The following DNA2 variants were observed in gnomAD, a reference collection of about 807,000 sequenced individuals.
The protein encoded by DNA2 is DNA replication helicase/nuclease 2.
Under a neutral mutation model 119.1 loss-of-function variants are expected in DNA2, and 101 were observed. That is an observed-to-expected ratio of 0.85 (90% confidence interval 0.72 to 1.00). The LOEUF is 1.00. Among genes scored for constraint, DNA2 ranks in the 50% least tolerant of loss-of-function variants. DNA2 has a pLI of 0.00. For missense variants in DNA2, 1,121 were observed against 1,255.5 expected (o/e 0.89, Z 1.62); for synonymous variants, 366 against 424.4 (o/e 0.86, Z 1.69).
chr10:68,424,612 A>C (rs1351324401), intron 14 of DNA2: 4 of 1,443,480 alleles, frequency 2.8e-6, no homozygotes, highest in Non-Finnish European at 3.9e-6. Flanking sequence ...CGCAAACGTC[A>C]CTTCCATGCC....
chr10:68,444,749 A>C (rs994605862), intron 8 of DNA2, among the ~76,000 whole-genome samples, 172 bp downstream of exon 8: 2 of 151,810 alleles, frequency 1.3e-5, no homozygotes, highest in Non-Finnish European at 2.9e-5. Flanking sequence ...AAAAGAAAGA[A>C]AGTACTGTGG....
At chr10:68,439,449 C>T (rs1590059788) in intron 9 of DNA2, among the ~76,000 whole-genome samples, 1 of 151,914 alleles carries the variant, frequency 6.6e-6, no homozygotes, top group Non-Finnish European at 1.5e-5. Context: ...GCTTGTAATC[C>T]CAGCACTCTG....
chr10:68,442,841 T>A (rs1482930983), intron 9 of DNA2, 76 bp downstream of exon 9: 2 of 1,210,128 alleles, frequency 1.7e-6, no homozygotes, highest in African/African-American at 3.1e-5. Context: ...AACTTGTATT[T>A]GTCATAAATT....
At chr10:68,436,832 T>A in intron 10 of DNA2, 179 bp downstream of exon 10, 1 of 562,586 alleles carries the variant, frequency 1.8e-6, no homozygotes, top group Non-Finnish European at 3.1e-6. Context: ...GTATAGGGCT[T>A]CTTCCTTGGG....
intron 10 of DNA2, among the ~76,000 whole-genome samples, chr10:68,435,335 C>T (rs1282544123): frequency 2.6e-5 from 4 of 151,800 alleles, no homozygotes; most frequent in African/African-American, 9.7e-5. Flanking sequence ...AGGCGTGCAC[C>T]ACCTTGCCTG....
At chr10:68,453,661 A>G (rs1478636515) in intron 5 of DNA2, among the ~76,000 whole-genome samples, 1 of 152,172 alleles carries the variant, frequency 6.6e-6, no homozygotes, top group Non-Finnish European at 1.5e-5. Flanking sequence ...CTATATTTCA[A>G]TATGTTTAGA....
rs1322272935 is a variant in DNA2, at chr10:68,430,586, A to C, written c.2058T>G (p.Leu686=). 6.2e-7 allele frequency: 1 copy of C among 1,608,130 alleles called. No individual in the cohort carries two copies. Among genetic ancestry groups the C allele is most frequent in the Admixed American group, 1.7e-5 (1 of 58,970 alleles). Residue 686 remains leucine (L), a synonymous_variant, in exon 14 of 21, where the codon CTT becomes CTG. Coordinates refer to ENST00000358410, the MANE Select transcript of DNA2 (RefSeq NM_001080449.3). ...SYTHSAVDNI[L]LKLAKFKIGF... is the part of the protein sequence containing the mutation. ...CTATTTTAAACTTGGCTAACTTCAA[A>C]AGAATATTGTCAACAGCAGAGTGTG...
rs144877803 is a variant in DNA2 at position 68,471,089 on chromosome 10, C to T, written c.74+702G>A. On this transcript the variant is annotated intron_variant, in intron 1 of 20. Transcript: ENST00000358410. ...TTAAGTCTTCCCCGTTTGACTGAGG[C>T]ATCAGTGAGGGACCAAAGGAGGGTC... Among the ~76,000 whole-genome samples the T allele has an allele frequency of 5.1e-4, 77 of 152,290 alleles. 1 individual carries two copies. The highest frequency in any genetic ancestry group is 1.0e-3 in the Non-Finnish European group (70 of 68,022).
intron 9 of DNA2, among the ~76,000 whole-genome samples, chr10:68,439,948 G>A (rs1426603679): frequency 1.3e-5 from 2 of 151,460 alleles, no homozygotes; most frequent in Non-Finnish European, 1.5e-5. Context: ...GAGGTTGCAT[G>A]AGCTGAGATC....
Position 68,415,114 on chromosome 10 carries a change from TA to T in DNA2, c.3115-8del. On this transcript the variant is annotated splice_region_variant and splice_polypyrimidine_tract_variant and intron_variant, in intron 20 of 20. Transcript: ENST00000358410. ...TTGATGGAAGATCAATGATGTAAAA[TA>T]AATTAAGGAAGAAATATTTAGCACA... 6.5e-7 allele frequency: 1 copy of T among 1,528,622 alleles called. No individual in the cohort carries two copies. The allele number at this position is 1,528,622 out of a possible 1,614,324, so 94.7% of individuals were successfully genotyped here. A position where few individuals can be genotyped will look rare whatever the true frequency, so the allele number is the denominator to read the frequency against.
chr10:68,417,390 C>CAAA (rs1564874679), intron 19 of DNA2, among the ~76,000 whole-genome samples: 6 of 17,476 alleles, frequency 3.4e-4, no homozygotes, highest in African/African-American at 9.3e-4. Context: ...AATAAGAAAA[C>CAAA]CAAAAAAAAA....
At chr10:68,463,978 G>A (rs77934056) in intron 4 of DNA2, among the ~76,000 whole-genome samples, 3,378 of 152,180 alleles carry the variant, frequency 0.022, 125 homozygotes, top group African/African-American at 0.077. Context: ...TGAAAGAGAA[G>A]CTGAAATTCC....
At position 68,470,097 on chromosome 10, in the gene DNA2, G is replaced by A. The variant is rs1371593985; in HGVS notation, c.141C>T (p.Tyr47=). 3 of 1,613,532 alleles carry A rather than the reference G, an allele frequency of 1.9e-6. No homozygotes were observed. In the African/African-American group the frequency reaches 4.0e-5, roughly 22 times the overall value. ...GTACAGTATTGACTGCCAACACCAG[G>A]TACCGGTTATCCATTCCTGTGCTCA... The part of the protein sequence containing the change: ...TVLSTGMDNR[Y]LVLAVNTVQN... The change falls in exon 2 of 21, where the codon TAC becomes TAT. Residue 47 remains tyrosine, a synonymous_variant. Coordinates refer to ENST00000358410, the MANE Select transcript of DNA2 (RefSeq NM_001080449.3).
At chr10:68,432,747 C>T (rs1360813084) in intron 10 of DNA2, among the ~76,000 whole-genome samples, 3 of 152,142 alleles carry the variant, frequency 2.0e-5, no homozygotes, top group Non-Finnish European at 4.4e-5. Context: ...TGGGAACCTG[C>T]AACATTTGCT....
chr10:68,466,387 C>A (rs1017042810), intron 3 of DNA2, among the ~76,000 whole-genome samples: 5 of 151,910 alleles, frequency 3.3e-5, no homozygotes, highest in African/African-American at 1.2e-4. Flanking sequence ...ATAGAAAAGT[C>A]AATAAAGGCA....
At position 68,465,212 on chromosome 10, in the gene DNA2, G is replaced by C. The variant is rs542916281; in HGVS notation, c.587+455C>G. Among the ~76,000 whole-genome samples the C allele has an allele frequency of 2.5e-3, 357 of 144,182 alleles. 4 individuals are homozygous for C. The highest frequency in any genetic ancestry group is 8.6e-3 in the African/African-American group (329 of 38,416). 94.6% of individuals were successfully genotyped at this position (144,182 alleles called of 152,430 possible). ...TTTTTGTATTTTTAGTAGAGACGGG[G>C]TTTCACCATGTTAGCCAGGATGGTC... On this transcript the variant is annotated intron_variant, in intron 4 of 20. Coordinates refer to ENST00000358410, the MANE Select transcript of DNA2 (RefSeq NM_001080449.3).
Position 68,422,795 on chromosome 10 carries a change from G to A in DNA2, c.2304C>T (p.Ser768=). 1 of 1,611,408 alleles carries A rather than the reference G, an allele frequency of 6.2e-7. No individual in the cohort carries two copies. Among genetic ancestry groups the A allele is most frequent in the Non-Finnish European group, 8.5e-7 (1 of 1,179,326 alleles). ...AAAGGGGGCCCAGACAAATTGGTTG[G>A]CTAATTTGAGAGGCTTCATCCACAA... ...FCIVDEASQI[S]QPICLGPLFF... is the part of the protein sequence containing the mutation. Residue 768 remains serine, a synonymous_variant, in exon 15 of 21, where the codon AGC becomes AGT. Coordinates refer to ENST00000358410, the MANE Select transcript of DNA2 (RefSeq NM_001080449.3).
Position 68,419,839 on chromosome 10 carries a change from G to C in DNA2, c.2751C>G (p.Ala917=), listed in dbSNP as rs778898825. 14 of 1,613,702 alleles carry C rather than the reference G, an allele frequency of 8.7e-6. No homozygotes were observed. The African/African-American group carries it at 1.9e-4, about 22-fold the overall frequency. ...TGGAGGTTAGGAAAACTATGAGTTT[G>C]GCTTCTGTTACATTGCTCACACCAC... ...EKGGVSNVTE[A]KLIVFLTSIF... is the part of the protein sequence containing the mutation. The change falls in exon 18 of 21, where the codon GCC becomes GCG. Residue 917 remains alanine (A), a synonymous_variant. Coordinates refer to ENST00000358410, the MANE Select transcript of DNA2 (RefSeq NM_001080449.3).
chr10:68,420,581 C>G (rs1388644322), intron 17 of DNA2, among the ~76,000 whole-genome samples: 1 of 151,770 alleles, frequency 6.6e-6, no homozygotes, highest in Non-Finnish European at 1.5e-5. Context: ...TATCTGTGCT[C>G]TTTCCATTTT....
Sources: gnomAD v4.1 joint callset for allele counts (sites outside exome capture counted in the v4.1 genomes callset) on GRCh38, gnomAD v4.1.1 for gene constraint, MANE v1.5 for transcripts, NCBI Gene and HGNC (gene_info 2026-07-23, HGNC 2026-07-21) for gene names.